The following THSD4 variants were observed in gnomAD, a reference collection of about 807,000 sequenced individuals.
THSD4 encodes thrombospondin type 1 domain containing 4.
THSD4 carries 69 observed loss-of-function variants against 119.0 expected under a neutral mutation model. The ratio of observed to expected loss-of-function variants is 0.58; its 90% CI spans 0.48 to 0.71. The LOEUF (loss-of-function observed/expected upper bound fraction) is 0.71, where lower values mean the gene tolerates loss of function less well. Ranked by LOEUF, THSD4 falls within the 30% of genes least tolerant of loss-of-function variation. The pLI is 0.00. For missense variants in THSD4, 1,393 were observed against 1,391.1 expected (o/e 1.00, Z -0.02); for synonymous variants, 524 against 540.4 (o/e 0.97, Z 0.42).
At chr15:71,221,183 G>A (rs2043973013) in intron 4 of THSD4, among the ~76,000 whole-genome samples, 1 of 152,116 alleles carries the variant, frequency 6.6e-6, no homozygotes, top group Non-Finnish European at 1.5e-5. Flanking sequence ...CTGGAAATGG[G>A]TACCTGTAGA....
intron 8 of THSD4, among the ~76,000 whole-genome samples, chr15:71,720,041 T>TTTC (rs2052690214): frequency 1.4e-5 from 2 of 145,724 alleles, no homozygotes; most frequent in African/African-American, 2.5e-5. Context: ...TTTTTCTTTT[T>TTTC]TTTTTTTTTT....
chr15:71,776,638 G>A (rs1295066015), intron 17 of THSD4, among the ~76,000 whole-genome samples: 1 of 152,108 alleles, frequency 6.6e-6, no homozygotes, highest in Admixed American at 6.5e-5. Context: ...GACCCAGCAA[G>A]GCCCAGGCAG....
At chr15:71,523,483 T>C (rs1410248002) in intron 7 of THSD4, among the ~76,000 whole-genome samples, 2 of 152,302 alleles carry the variant, frequency 1.3e-5, no homozygotes, top group Non-Finnish European at 2.9e-5. Flanking sequence ...AAAGACCCTT[T>C]TTCCAAATAA....
intron 8 of THSD4, among the ~76,000 whole-genome samples, chr15:71,663,001 C>A (rs1217396021): frequency 1.3e-5 from 2 of 152,066 alleles, no homozygotes; most frequent in African/African-American, 2.4e-5. Flanking sequence ...GTAAGCCCAG[C>A]GCTGTGGGAG....
intron 11 of THSD4, among the ~76,000 whole-genome samples, chr15:71,739,111 A>G (rs1053486930): frequency 6.6e-6 from 1 of 152,050 alleles, no homozygotes; most frequent in Non-Finnish European, 1.5e-5. Flanking sequence ...AAAAAAAAAA[A>G]AAACAAAACT....
intron 4 of THSD4, among the ~76,000 whole-genome samples, chr15:71,237,230 G>A (rs2044113102): frequency 6.6e-6 from 1 of 152,182 alleles, no homozygotes; most frequent in Non-Finnish European, 1.5e-5. Flanking sequence ...AGACAGAACA[G>A]TGGTTCTCAC....
At chr15:71,450,068 G>A (rs771425072) in intron 7 of THSD4, among the ~76,000 whole-genome samples, 4 of 152,218 alleles carry the variant, frequency 2.6e-5, no homozygotes, top group Non-Finnish European at 5.9e-5. Context: ...ATGTGCAAAC[G>A]AAGGAACAAG....
At chr15:71,408,119 T>TGCTTAGAG (rs1566972426) in intron 6 of THSD4, among the ~76,000 whole-genome samples, 1 of 151,898 alleles carries the variant, frequency 6.6e-6, no homozygotes, top group Non-Finnish European at 1.5e-5. Context: ...TGACAAAATC[T>TGCTTAGAG]GCTTAGAGAA....
chr15:71,437,517 A>G (rs928480474), intron 7 of THSD4, among the ~76,000 whole-genome samples: 1 of 152,130 alleles, frequency 6.6e-6, no homozygotes, highest in African/African-American at 2.4e-5. Flanking sequence ...AGATAAGGGA[A>G]CTCCAGAGAA....
chr15:71,744,084 A>G (rs1386394529), intron 11 of THSD4, among the ~76,000 whole-genome samples: 1 of 151,194 alleles, frequency 6.6e-6, no homozygotes. Flanking sequence ...ATAAACGTCC[A>G]TTAATAATAG....
At chr15:71,277,142 T>TTTTTTTTTTTTTTTTTG (rs59124781) in intron 6 of THSD4, among the ~76,000 whole-genome samples, 3 of 150,082 alleles carry the variant, frequency 2.0e-5, no homozygotes, top group Admixed American at 6.6e-5. Context: ...TTTTTTTTTT[T>TTTTTTTTTTTTTTTTTG]GAAACGGAGT....
intron 7 of THSD4, among the ~76,000 whole-genome samples, chr15:71,426,122 C>T (rs886736532): frequency 5.9e-5 from 9 of 152,222 alleles, no homozygotes; most frequent in Non-Finnish European, 1.2e-4. Flanking sequence ...CAGTCATCGC[C>T]CCACTGTAGG....
intron 8 of THSD4, among the ~76,000 whole-genome samples, chr15:71,694,364 T>A (rs1276413778): frequency 6.6e-6 from 1 of 152,240 alleles, no homozygotes; most frequent in Non-Finnish European, 1.5e-5. Context: ...ATCTGCTGTC[T>A]CTGATGACTT....
At chr15:71,556,834 G>T (rs1056477641) in intron 7 of THSD4, among the ~76,000 whole-genome samples, 1 of 150,568 alleles carries the variant, frequency 6.6e-6, no homozygotes, top group Admixed American at 6.6e-5. Flanking sequence ...ATTTAAATCA[G>T]TTTTATGTAG....
chr15:71,448,718 G>A (rs1425171759), intron 7 of THSD4, among the ~76,000 whole-genome samples: 1 of 152,136 alleles, frequency 6.6e-6, no homozygotes, highest in Non-Finnish European at 1.5e-5. Flanking sequence ...TCTCTGCAGG[G>A]ACTTTTAGGA....
chr15:71,714,466 A>C (rs4776571), intron 8 of THSD4, among the ~76,000 whole-genome samples: 5,381 of 152,300 alleles, frequency 0.035, 266 homozygotes, highest in African/African-American at 0.1. Context: ...TCTATTGTAC[A>C]TGACTTCTAA....
rs774150190 is a variant in THSD4 at position 71,748,409 on chromosome 15, G to A, written c.2242-12G>A. 1.9e-6 allele frequency: 3 copies of A among 1,613,946 alleles called. No homozygotes were observed. The highest frequency in any genetic ancestry group is 1.1e-5 in the South Asian group (1 of 91,028). On this transcript the variant is annotated splice_polypyrimidine_tract_variant and intron_variant, in intron 13 of 17. Coordinates refer to ENST00000261862, the MANE Select transcript of THSD4 (RefSeq NM_024817.3). ...CTGCTGGTTCCCCTGACGTCAGTGT[G>A]CTGTGTTTCAGTGCTCGGTGCCCTG...
chr15:71,616,764 A>G (rs1007615281), intron 7 of THSD4, among the ~76,000 whole-genome samples: 6 of 152,206 alleles, frequency 3.9e-5, no homozygotes, highest in Non-Finnish European at 5.9e-5. Context: ...AGATTCCTGC[A>G]TTGGGCAAGA....
intron 2 of THSD4, among the ~76,000 whole-genome samples, chr15:71,151,216 T>C (rs1052248628): frequency 3.9e-5 from 6 of 152,118 alleles, no homozygotes; most frequent in Middle Eastern, 3.2e-3. Flanking sequence ...GAGGAAAACC[T>C]AGATGTGATC....
Sources: allele counts gnomAD v4.1 joint callset (sites outside exome capture counted in the v4.1 genomes callset), GRCh38; gene constraint gnomAD v4.1.1; transcripts MANE v1.5; gene names NCBI Gene and HGNC (gene_info 2026-07-23, HGNC 2026-07-21).